MYO3B: variants seen among roughly 807,000 people sequenced by gnomAD.
MYO3B encodes myosin IIIB.
MYO3B carries 156 observed loss-of-function variants against 174.6 expected under a neutral mutation model. That is an observed-to-expected ratio of 0.89 (90% CI 0.78 to 1.02). MYO3B has a LOEUF of 1.02. Ranked by LOEUF, MYO3B falls within the 50% of genes least tolerant of loss-of-function variation. The pLI is 0.00. For missense variants in MYO3B, 1,632 were observed against 1,639.4 expected, an observed-to-expected ratio of 1.00 and a Z score of 0.08; for synonymous variants, 563 against 569.1, an observed-to-expected ratio of 0.99 and a Z score of 0.15.
At chr2:170,491,529 C>T (rs921953115) in intron 25 of MYO3B, among the ~76,000 whole-genome samples, 46 of 152,234 alleles carry the variant, frequency 3.0e-4, no homozygotes, top group African/African-American at 1.1e-3. Flanking sequence ...AGGTTCACGC[C>T]ATTCTCCTGC....
chr2:170,339,939 T>C (rs1466414837), intron 8 of MYO3B, among the ~76,000 whole-genome samples: 2 of 152,188 alleles, frequency 1.3e-5, no homozygotes, highest in Non-Finnish European at 2.9e-5. Flanking sequence ...AGAGATTTCA[T>C]TATCAGCCCT....
At chr2:170,466,150 A>G (rs1410537949) in intron 24 of MYO3B, among the ~76,000 whole-genome samples, 2 of 152,134 alleles carry the variant, frequency 1.3e-5, no homozygotes, top group Non-Finnish European at 2.9e-5. Flanking sequence ...CCTTCCTCAA[A>G]AGCTGGACAT....
intron 10 of MYO3B, 160 bp downstream of exon 10, chr2:170,382,272 A>G (rs2094341389): frequency 1.0e-5 from 6 of 577,276 alleles, no homozygotes; most frequent in South Asian, 7.0e-5. Flanking sequence ...TGCTGTGACT[A>G]TGATCCTGTG....
At chr2:170,566,088 A>G (rs989561744) in intron 32 of MYO3B, among the ~76,000 whole-genome samples, 10 of 152,242 alleles carry the variant, frequency 6.6e-5, no homozygotes, top group Non-Finnish European at 1.3e-4. Context: ...TCAGTAGGTT[A>G]TAGTACATTA....
At chr2:170,533,065 G>A (rs1013690735) in intron 30 of MYO3B, among the ~76,000 whole-genome samples, 1 of 152,014 alleles carries the variant, frequency 6.6e-6, no homozygotes, top group Admixed American at 6.6e-5. Context: ...TTTAGACAGG[G>A]CAGTTCATCA....
chr2:170,516,518 C>T (rs1216327201), intron 29 of MYO3B, among the ~76,000 whole-genome samples: 1 of 151,892 alleles, frequency 6.6e-6, no homozygotes, highest in African/African-American at 2.4e-5. Context: ...CGGCAGGCAC[C>T]TGTAGTCCCA....
chr2:170,244,770 A>C (rs1411853249), intron 7 of MYO3B, among the ~76,000 whole-genome samples: 1 of 152,228 alleles, frequency 6.6e-6, no homozygotes, highest in East Asian at 1.9e-4. Flanking sequence ...GCCATGTCAG[A>C]CAATTTCCTT....
chr2:170,212,196 T>C (rs2092778303), intron 3 of MYO3B, among the ~76,000 whole-genome samples: 1 of 148,032 alleles, frequency 6.8e-6, no homozygotes, highest in Admixed American at 6.8e-5. Flanking sequence ...TGAGCCAAGA[T>C]GGCGCCACTG....
intron 30 of MYO3B, among the ~76,000 whole-genome samples, chr2:170,528,569 C>G (rs755313906): frequency 6.6e-6 from 1 of 152,086 alleles, no homozygotes; most frequent in Non-Finnish European, 1.5e-5. Flanking sequence ...CCATGACCAG[C>G]TAATTTTTGT....
intron 25 of MYO3B, among the ~76,000 whole-genome samples, chr2:170,481,181 C>A (rs1019629968): frequency 1.4e-4 from 22 of 152,198 alleles, no homozygotes; most frequent in African/African-American, 5.3e-4. Context: ...TCCAGGACAT[C>A]ATTAGACTTC....
intron 30 of MYO3B, among the ~76,000 whole-genome samples, chr2:170,541,279 C>T (rs932294653): frequency 6.6e-6 from 1 of 152,182 alleles, no homozygotes; most frequent in Non-Finnish European, 1.5e-5. Flanking sequence ...TTAGAATCCA[C>T]CCATCCTATA....
intron 32 of MYO3B, among the ~76,000 whole-genome samples, chr2:170,622,119 A>T (rs534112259): frequency 6.6e-6 from 1 of 152,256 alleles, no homozygotes; most frequent in African/African-American, 2.4e-5. Context: ...TCCTTTACTT[A>T]TATAGTTCTA....
chr2:170,614,605 C>G (rs1164166089), intron 32 of MYO3B, among the ~76,000 whole-genome samples: 1 of 152,198 alleles, frequency 6.6e-6, no homozygotes, highest in Non-Finnish European at 1.5e-5. Flanking sequence ...TCATCTGGAA[C>G]CTTAATATCA....
At chr2:170,501,567 C>T (rs563970073) in intron 27 of MYO3B, among the ~76,000 whole-genome samples, 5 of 152,252 alleles carry the variant, frequency 3.3e-5, no homozygotes, top group African/African-American at 1.2e-4. Flanking sequence ...ACTGCCTGAA[C>T]AAAAGCAACC....
intron 7 of MYO3B, among the ~76,000 whole-genome samples, chr2:170,332,896 C>T (rs1325970100): frequency 1.3e-5 from 2 of 152,100 alleles, no homozygotes; most frequent in Non-Finnish European, 2.9e-5. Flanking sequence ...CATATTGGAC[C>T]CTTGCCAGGT....
At chr2:170,203,219 G>GA (rs373724863) in intron 3 of MYO3B, among the ~76,000 whole-genome samples, 380 of 152,212 alleles carry the variant, frequency 2.5e-3, no homozygotes, top group African/African-American at 8.8e-3. Flanking sequence ...ATGATGCTCA[G>GA]AAAAAATACC....
chr2:170,438,336 G>T (rs946102409), intron 22 of MYO3B, among the ~76,000 whole-genome samples: 2 of 152,064 alleles, frequency 1.3e-5, no homozygotes, highest in African/African-American at 4.8e-5. Context: ...CTGTTGATAG[G>T]CATTTAGTTT....
At chr2:170,321,911 T>G (rs2093829537) in intron 7 of MYO3B, among the ~76,000 whole-genome samples, 1 of 151,812 alleles carries the variant, frequency 6.6e-6, no homozygotes, top group South Asian at 2.1e-4. Flanking sequence ...GTCAGGAGAT[T>G]GAGACCATCC....
intron 30 of MYO3B, among the ~76,000 whole-genome samples, chr2:170,535,439 G>C (rs961175640): frequency 6.6e-6 from 1 of 152,102 alleles, no homozygotes; most frequent in Non-Finnish European, 1.5e-5. Flanking sequence ...AGATATCATT[G>C]GGCTTCATTT....
Sources: allele counts gnomAD v4.1 joint callset (sites outside exome capture counted in the v4.1 genomes callset), GRCh38; gene constraint gnomAD v4.1.1; transcripts MANE v1.5; gene names NCBI Gene and HGNC (gene_info 2026-07-23, HGNC 2026-07-21).